Variants in RASGRP3 observed in about 807,000 individuals in gnomAD.
The protein encoded by RASGRP3 is RAS guanyl releasing protein 3, also known as ras guanyl-releasing protein 3.
In RASGRP3, 54 loss-of-function variants were observed where a neutral mutation model predicts 82.7. The ratio of observed to expected loss-of-function variants is 0.65; its 90% confidence interval spans 0.52 to 0.82. The LOEUF is 0.82. Among genes scored for constraint, RASGRP3 ranks in the 40% least tolerant of loss-of-function variants. RASGRP3 has a pLI of 0.00. For missense variants in RASGRP3, 861 were observed against 828.9 expected, an observed-to-expected ratio of 1.04 and a Z score of -0.48; for synonymous variants, 309 against 300.5, an observed-to-expected ratio of 1.03 and a Z score of -0.29.
chr2:33,443,665 G>C (rs1410681134), intron 1 of RASGRP3, among the ~76,000 whole-genome samples: 1 of 144,590 alleles, frequency 6.9e-6, no homozygotes, highest in African/African-American at 2.6e-5. Flanking sequence ...AAGATCACTT[G>C]AACCCAGGTG....
chr2:33,511,656 T>C (rs74829924), intron 1 of RASGRP3, 54 bp from the exon 2 acceptor site: 7,353 of 152,742 alleles, frequency 0.048, 228 homozygotes, highest in South Asian at 0.12. Flanking sequence ...GTGGATTCTT[T>C]GGGGTTATCA....
chr2:33,558,826 G>A lies in RASGRP3; in HGVS notation c.1860G>A (p.Trp620Ter), dbSNP rs1485502441. Residue 620 changes from tryptophan (W) to a stop codon, truncating the protein, a stop_gained, in exon 17 of 18, where the codon TGG (tryptophan) becomes TGA (stop). Coordinates refer to ENST00000403687, the MANE Select transcript of RASGRP3 (RefSeq NM_001139488.2). LOFTEE classifies it high-confidence loss of function. Reference sequence around the variant, plus strand: ...AGGCCACCCAGACTGAACCTGTCTGGTCAGAGGCTGGCTGGGGGGACTCGG... The same window carrying A: ...AGGCCACCCAGACTGAACCTGTCTGATCAGAGGCTGGCTGGGGGGACTCGG... ...TSQATQTEPVWSEAGWGDSGS... is the reference protein window; with the variant it reads ...TSQATQTEPV The A allele has an allele frequency of 1.2e-6, 2 of 1,613,894 alleles. No individual in the cohort carries two copies. Among genetic ancestry groups the A allele is most frequent in the Non-Finnish European group, 1.7e-6 (2 of 1,179,904 alleles).
intron 1 of RASGRP3, among the ~76,000 whole-genome samples, chr2:33,485,466 G>T (rs1257122094): frequency 6.6e-6 from 1 of 152,232 alleles, no homozygotes; most frequent in African/African-American, 2.4e-5. Context: ...TTGGCAGGGT[G>T]CTACTGCAGA....
intron 10 of RASGRP3, among the ~76,000 whole-genome samples, chr2:33,527,760 T>G (rs1212273046): frequency 6.6e-6 from 1 of 152,198 alleles, no homozygotes; most frequent in Non-Finnish European, 1.5e-5. Flanking sequence ...TCCAGTCATC[T>G]GCTCCTCTTT....
chr2:33,524,641 GAA>G (rs1257972124), intron 9 of RASGRP3, 93 bp downstream of exon 9: 1 of 985,426 alleles, frequency 1.0e-6, no homozygotes, highest in South Asian at 1.7e-5. Context: ...CTCAGAGTGG[GAA>G]AGTTTTCCTC....
chr2:33,444,184 T>C (rs1665382366), intron 1 of RASGRP3, among the ~76,000 whole-genome samples: 1 of 152,090 alleles, frequency 6.6e-6, no homozygotes, highest in Admixed American at 6.6e-5. Flanking sequence ...TGCATGCCTG[T>C]AGTCCTAGCT....
At chr2:33,544,979 G>C (rs1458405741) in intron 13 of RASGRP3, among the ~76,000 whole-genome samples, 1 of 151,920 alleles carries the variant, frequency 6.6e-6, no homozygotes, top group Non-Finnish European at 1.5e-5. Context: ...AATTTAATTA[G>C]AAACATTAAC....
At chr2:33,445,255 T>C (rs1013813938) in intron 1 of RASGRP3, among the ~76,000 whole-genome samples, 2 of 152,244 alleles carry the variant, frequency 1.3e-5, no homozygotes, top group African/African-American at 4.8e-5. Flanking sequence ...TAGGTTCTTA[T>C]GGCCCCACCA....
intron 1 of RASGRP3, among the ~76,000 whole-genome samples, chr2:33,484,228 A>C (rs984419858): frequency 2.6e-4 from 39 of 152,246 alleles, no homozygotes; most frequent in African/African-American, 8.9e-4. Flanking sequence ...AGTAAAGAAG[A>C]AATGTCCTTT....
chr2:33,484,974 G>A (rs776703678), intron 1 of RASGRP3, among the ~76,000 whole-genome samples: 4 of 152,084 alleles, frequency 2.6e-5, no homozygotes, highest in Admixed American at 6.5e-5. Flanking sequence ...TGAGGCAGGT[G>A]GATCACCTGA....
intron 1 of RASGRP3, among the ~76,000 whole-genome samples, chr2:33,440,659 G>A (rs945848363): frequency 2.6e-5 from 4 of 152,082 alleles, no homozygotes; most frequent in Admixed American, 6.6e-5. Flanking sequence ...ATACCCAGAG[G>A]TTTTCCTTAT....
Position 33,527,035 on chromosome 2 carries a change from T to A in RASGRP3, c.808-102T>A, listed in dbSNP as rs1005861439. On this transcript the variant is annotated intron_variant, in intron 9 of 17. Coordinates refer to ENST00000403687, the MANE Select transcript of RASGRP3 (RefSeq NM_001139488.2). ...GCAGCAACATTGGTGCAAGTGATAC[T>A]TTTCTCAGTAGCTGAGGAATTTCCT... 9 of 1,249,146 alleles carry A rather than the reference T, an allele frequency of 7.2e-6. No individual in the cohort carries two copies. The Admixed American group carries it at 2.0e-4, about 27-fold the overall frequency. 77.4% of individuals were successfully genotyped at this position (1,249,146 alleles called of 1,614,324 possible).
At chr2:33,504,805 A>G (rs1393959808) in intron 1 of RASGRP3, among the ~76,000 whole-genome samples, 2 of 152,126 alleles carry the variant, frequency 1.3e-5, no homozygotes, top group Admixed American at 6.6e-5. Flanking sequence ...TGTCATCTGG[A>G]TGCAGTGGGA....
At chr2:33,450,281 A>C (rs74697948) in intron 2 of RASGRP3, among the ~76,000 whole-genome samples, 1,833 of 152,320 alleles carry the variant, frequency 0.012, 19 homozygotes, top group Non-Finnish European at 0.016. Flanking sequence ...GCAATTTTCA[A>C]GTATACAATA....
chr2:33,454,221 A>T (rs1350177461), intron 2 of RASGRP3, among the ~76,000 whole-genome samples: 1 of 150,450 alleles, frequency 6.6e-6, no homozygotes, highest in Non-Finnish European at 1.5e-5. Context: ...TTCTTCTTCT[A>T]CTTTTTAAGT....
chr2:33,535,812 C>G (rs1437287673), intron 11 of RASGRP3, among the ~76,000 whole-genome samples: 1 of 152,116 alleles, frequency 6.6e-6, no homozygotes, highest in Non-Finnish European at 1.5e-5. Flanking sequence ...CTATTGAAAA[C>G]CAAAAAGGAA....
At chr2:33,560,285 C>A (rs533189791) in intron 17 of RASGRP3, among the ~76,000 whole-genome samples, 1 of 152,238 alleles carries the variant, frequency 6.6e-6, no homozygotes, top group Non-Finnish European at 1.5e-5. Flanking sequence ...ATTTGCAATG[C>A]CCACTTTATT....
chr2:33,491,496 A>G (rs1016840841), intron 1 of RASGRP3, among the ~76,000 whole-genome samples: 2 of 152,190 alleles, frequency 1.3e-5, no homozygotes, highest in Admixed American at 1.3e-4. Context: ...AAATAATGCT[A>G]TTATTTGCCA....
chr2:33,561,674 TTTA>T (rs1365434669), intron 17 of RASGRP3, among the ~76,000 whole-genome samples: 2 of 152,130 alleles, frequency 1.3e-5, no homozygotes, highest in Non-Finnish European at 2.9e-5. Flanking sequence ...GACCTACACA[TTTA>T]TTATTTAGTA....
Sources: allele counts gnomAD v4.1 joint callset (sites outside exome capture counted in the v4.1 genomes callset), GRCh38; gene constraint gnomAD v4.1.1; transcripts MANE v1.5; gene names NCBI Gene and HGNC (gene_info 2026-07-23, HGNC 2026-07-21).